Variants in KCTD8 observed in about 807,000 individuals in gnomAD.
The protein encoded by KCTD8 is potassium channel tetramerization domain containing 8.
A neutral mutation model predicts 31.5 loss-of-function variants in KCTD8; 27 were observed. That is an observed-to-expected ratio of 0.86 (90% CI 0.63 to 1.18). The LOEUF (loss-of-function observed/expected upper bound fraction) is 1.18, where lower values mean the gene tolerates loss of function less well. Among genes scored for constraint, KCTD8 ranks in the 50% most tolerant of loss-of-function variants. The pLI is 0.00. For missense variants in KCTD8, 658 were observed against 647.7 expected (o/e 1.02, Z -0.17); for synonymous variants, 290 against 280.0 (o/e 1.04, Z -0.36).
At chr4:44,330,622 C>G (rs1302829195) in intron 1 of KCTD8, among the ~76,000 whole-genome samples, 1 of 151,924 alleles carries the variant, frequency 6.6e-6, no homozygotes, top group Non-Finnish European at 1.5e-5. Context: ...AAATGAGAAT[C>G]TGACAATTAC....
intron 1 of KCTD8, among the ~76,000 whole-genome samples, chr4:44,176,789 A>AT (rs1329312301): frequency 6.6e-6 from 1 of 152,154 alleles, no homozygotes; most frequent in African/African-American, 2.4e-5. Context: ...TATGTAAATT[A>AT]TACCTTGACT....
intron 1 of KCTD8, among the ~76,000 whole-genome samples, chr4:44,442,174 CTT>C (rs11341139): frequency 5.3e-5 from 8 of 150,864 alleles, no homozygotes; most frequent in African/African-American, 1.7e-4. Context: ...TAAAACTGCA[CTT>C]TTTTTTTTAA....
chr4:44,287,820 T>C (rs940917588), intron 1 of KCTD8, among the ~76,000 whole-genome samples: 9 of 152,184 alleles, frequency 5.9e-5, no homozygotes, highest in African/African-American at 1.7e-4. Flanking sequence ...TACAAATCAA[T>C]AGAAGATAAA....
intron 1 of KCTD8, among the ~76,000 whole-genome samples, chr4:44,222,898 C>G (rs1432908886): frequency 1.3e-5 from 2 of 152,122 alleles, no homozygotes; most frequent in Non-Finnish European, 2.9e-5. Context: ...TAAACAGTGG[C>G]CCTGAAACTA....
chr4:44,221,264 T>C (rs1434049739), intron 1 of KCTD8, among the ~76,000 whole-genome samples: 6 of 152,018 alleles, frequency 3.9e-5, no homozygotes, highest in Admixed American at 3.9e-4. Flanking sequence ...GGAGGAATGA[T>C]GGGGCTATTT....
chr4:44,387,616 G>A lies in KCTD8; in HGVS notation c.961+59947C>T, dbSNP rs193250009. ...GACAAACCTGACAAAAACAAGCAAT[G>A]AGGAAAGGATTCCCTATTTAATAAA... On this transcript the variant is annotated intron_variant, in intron 1 of 1. Transcript: ENST00000360029. Among the ~76,000 whole-genome samples the A allele has an allele frequency of 1.7e-3, 265 of 151,924 alleles. 3 individuals carry two copies. The highest frequency in any genetic ancestry group is 3.0e-3 in the Non-Finnish European group (202 of 67,842).
At chr4:44,432,304 A>G (rs1378674047) in intron 1 of KCTD8, among the ~76,000 whole-genome samples, 1 of 151,616 alleles carries the variant, frequency 6.6e-6, no homozygotes, top group Non-Finnish European at 1.5e-5. Context: ...TAATGAATGG[A>G]TATTTATTTG....
intron 1 of KCTD8, among the ~76,000 whole-genome samples, chr4:44,384,161 AT>A (rs1163754516): frequency 1.3e-5 from 2 of 151,868 alleles, no homozygotes; most frequent in Non-Finnish European, 2.9e-5. Flanking sequence ...ACAAAAAAAA[AT>A]AACAAATGCT....
At chr4:44,316,986 C>CAAG (rs1007291813) in intron 1 of KCTD8, among the ~76,000 whole-genome samples, 1 of 148,932 alleles carries the variant, frequency 6.7e-6, no homozygotes, top group African/African-American at 2.5e-5. Flanking sequence ...TCAGCAACAA[C>CAAG]AACAACAAAT....
chr4:44,350,528 C>G (rs1401112439), intron 1 of KCTD8, among the ~76,000 whole-genome samples: 1 of 152,156 alleles, frequency 6.6e-6, no homozygotes, highest in Non-Finnish European at 1.5e-5. Context: ...TAGCACAACA[C>G]TTGAAATAGC....
intron 1 of KCTD8, among the ~76,000 whole-genome samples, chr4:44,381,761 C>A (rs1257559120): frequency 6.6e-6 from 1 of 151,768 alleles, no homozygotes; most frequent in African/African-American, 2.4e-5. Context: ...GGTGCCTCCC[C>A]ACTTCTCTCT....
Position 44,226,922 on chromosome 4 carries a change from G to A in KCTD8, c.962-51672C>T, listed in dbSNP as rs367757683. On this transcript the variant is annotated intron_variant, in intron 1 of 1. Coordinates refer to ENST00000360029, the MANE Select transcript of KCTD8 (RefSeq NM_198353.3). Reference sequence around the variant, plus strand: ...TCTTGTAAATATGTTTAAGTTCCTTGTAGATTCTGGATATTACACCTTTGT... The same window carrying A: ...TCTTGTAAATATGTTTAAGTTCCTTATAGATTCTGGATATTACACCTTTGT... 1.2e-3 allele frequency among the ~76,000 whole-genome samples: 181 copies of A among 149,376 alleles called. 1 individual carries two copies. Among genetic ancestry groups the A allele is most frequent in the Middle Eastern group, 6.8e-3 (2 of 294 alleles).
chr4:44,206,483 T>G (rs1035402525), intron 1 of KCTD8, among the ~76,000 whole-genome samples: 1 of 152,116 alleles, frequency 6.6e-6, no homozygotes, highest in Non-Finnish European at 1.5e-5. Context: ...ATATGTAGGT[T>G]ATTGCCACCT....
At chr4:44,318,700 C>CA (rs150824427) in intron 1 of KCTD8, among the ~76,000 whole-genome samples, 139 of 152,288 alleles carry the variant, frequency 9.1e-4, no homozygotes, top group African/African-American at 3.2e-3. Flanking sequence ...AACGTGAACA[C>CA]ATGCAACATT....
At chr4:44,396,367 T>A (rs1720503617) in intron 1 of KCTD8, among the ~76,000 whole-genome samples, 1 of 152,104 alleles carries the variant, frequency 6.6e-6, no homozygotes, top group African/African-American at 2.4e-5. Context: ...TATGGACAGG[T>A]ACAGGTCTGT....
chr4:44,266,890 A>G (rs1191112948), intron 1 of KCTD8, among the ~76,000 whole-genome samples: 1 of 151,624 alleles, frequency 6.6e-6, no homozygotes, highest in Non-Finnish European at 1.5e-5. Flanking sequence ...CCAGATTCAT[A>G]AAGCAAGTCC....
chr4:44,447,105 A>G (rs1256695560), intron 1 of KCTD8, among the ~76,000 whole-genome samples: 2 of 152,194 alleles, frequency 1.3e-5, no homozygotes, highest in Non-Finnish European at 2.9e-5. Context: ...GTGCGAGGCG[A>G]TGCCTTGTTA....
chr4:44,433,797 C>T (rs893155470), intron 1 of KCTD8, among the ~76,000 whole-genome samples: 4 of 151,406 alleles, frequency 2.6e-5, no homozygotes, highest in African/African-American at 9.7e-5. Context: ...CTTCCTTCCT[C>T]CCAAAGTTCA....
At position 44,448,580 on chromosome 4, in the gene KCTD8, G is replaced by A. The variant is rs1230600084; in HGVS notation, c.-57C>T. ...AGAGCTGCACTTTCTCGTTCCCGGA[G>A]CCCGCGCCCCAGCCCTCCGCGTGCT... On this transcript the variant is annotated 5_prime_UTR_variant, in exon 1 of 2. Transcript: ENST00000360029. This position sits in a 1 kb window ranked among gnomAD's most constrained non-coding sequence, Gnocchi z 4.1. 1.4e-6 allele frequency: 2 copies of A among 1,384,818 alleles called. No homozygotes were observed. Among genetic ancestry groups the A allele is most frequent in the African/African-American group, 1.5e-5 (1 of 66,536 alleles). The allele number at this position is 1,384,818 out of a possible 1,614,324, so 85.8% of individuals were successfully genotyped here. A position where few individuals can be genotyped will look rare whatever the true frequency, so the allele number is the denominator to read the frequency against.
Sources: gnomAD v4.1 joint callset for allele counts (sites outside exome capture counted in the v4.1 genomes callset) on GRCh38, gnomAD v4.1.1 for gene constraint, Gnocchi (gnomAD v3.1) non-coding constraint, MANE v1.5 for transcripts, NCBI Gene and HGNC (gene_info 2026-07-23, HGNC 2026-07-21) for gene names.